Variants in CSMD1 observed in about 807,000 individuals in gnomAD.
CSMD1 encodes CUB and sushi domain-containing protein 1.
In CSMD1, 213 loss-of-function variants were observed where a neutral mutation model predicts 417.5. That is an observed-to-expected ratio of 0.51 (90% CI 0.46 to 0.57). The LOEUF (loss-of-function observed/expected upper bound fraction) is 0.57. Among genes scored for constraint, CSMD1 ranks in the 20% least tolerant of loss-of-function variants. CSMD1 has a pLI of 0.00. For synonymous variants in CSMD1, 2,862 were observed against 1,736.8 expected (o/e 1.65, Z -16.11); for missense variants, 6,923 against 4,529.7 (o/e 1.53, Z -15.17).
At position 4,139,812 on chromosome 8, in the gene CSMD1, C is replaced by T. The variant is rs561565187; in HGVS notation, c.416-107713G>A. 5.3e-5 allele frequency among the ~76,000 whole-genome samples: 8 copies of T among 151,154 alleles called. 1 individual carries two copies. The highest frequency in any genetic ancestry group is 2.0e-4 in the African/African-American group (8 of 40,468). On this transcript the variant is annotated intron_variant, in intron 3 of 69. Transcript: ENST00000635120. ...CTCAGTGTTCTACAGGCTTACTGGA[C>T]ATTCCACAGAGGGCCTTGGAGCAGA...
At chr8:4,895,194 C>G (rs1010196236) in intron 1 of CSMD1, among the ~76,000 whole-genome samples, 2 of 152,098 alleles carry the variant, frequency 1.3e-5, no homozygotes, top group African/African-American at 4.8e-5. Flanking sequence ...TCAATAATAA[C>G]AAAAAACTAA....
At position 3,107,755 on chromosome 8, in the gene CSMD1, C is replaced by T. The variant is rs755840902; in HGVS notation, c.6798G>A (p.Gln2266=). Residue 2266 remains glutamine, a synonymous_variant, in exon 45 of 70, where the codon CAG becomes CAA. Transcript: ENST00000635120. ...KKCQPPPAVP[Q]AEMLTEDDDF... is the part of the protein sequence containing the mutation. The stretch of plus-strand genomic sequence containing the variant: ...CATCATCCTCAGTAAGCATTTCTGC[C>T]TGTGGAACCGCTGGGGGAGGTTGAC... 1.9e-6 allele frequency: 3 copies of T among 1,592,964 alleles called. No individual in the cohort carries two copies. Among genetic ancestry groups the T allele is most frequent in the Non-Finnish European group, 2.6e-6 (3 of 1,172,982 alleles).
intron 7 of CSMD1, among the ~76,000 whole-genome samples, chr8:3,635,967 T>C (rs1797025264): frequency 6.6e-6 from 1 of 152,196 alleles, no homozygotes. Context: ...TATTTAGCTT[T>C]TGGCTCTTTT....
At chr8:4,581,251 G>A (rs980102973) in intron 2 of CSMD1, among the ~76,000 whole-genome samples, 1 of 152,098 alleles carries the variant, frequency 6.6e-6, no homozygotes, top group Non-Finnish European at 1.5e-5. Context: ...TAATAATTGG[G>A]CATTTCAAAA....
intron 2 of CSMD1, among the ~76,000 whole-genome samples, chr8:4,566,637 A>T (rs1244848704): frequency 8.1e-6 from 1 of 123,296 alleles, no homozygotes; most frequent in Non-Finnish European, 1.6e-5. Flanking sequence ...TGGGTGACAG[A>T]GGGAGACTCT....
chr8:4,309,011 C>T (rs1196262534), intron 3 of CSMD1, among the ~76,000 whole-genome samples: 1 of 152,106 alleles, frequency 6.6e-6, no homozygotes, highest in African/African-American at 2.4e-5. Context: ...TGAGAAAATG[C>T]ATAACAGCAA....
intron 7 of CSMD1, among the ~76,000 whole-genome samples, chr8:3,664,926 T>C (rs780770269): frequency 1.3e-5 from 2 of 152,160 alleles, no homozygotes; most frequent in Non-Finnish European, 2.9e-5. Context: ...CAGGGTTTCA[T>C]TTTGTCTCTG....
chr8:3,315,474 A>G (rs904456425), intron 23 of CSMD1, among the ~76,000 whole-genome samples: 3 of 94,920 alleles, frequency 3.2e-5, no homozygotes, highest in African/African-American at 7.0e-5. Context: ...TTTTTAAACT[A>G]TCTTTTAAAT....
At position 3,409,537 on chromosome 8, in the gene CSMD1, G is replaced by C. The variant is rs1237672187; in HGVS notation, c.1630C>G (p.Leu544Val). The C allele has an allele frequency of 3.7e-6, 6 of 1,611,346 alleles. No individual in the cohort carries two copies. The highest frequency in any genetic ancestry group is 2.2e-5 in the East Asian group (1 of 44,768). Residue 544 changes from leucine (L) to valine (V), a missense_variant, in exon 13 of 70, where the codon CTC becomes GTC. Leu to Val is a conservative substitution (Grantham distance 32). Coordinates refer to ENST00000635120, the MANE Select transcript of CSMD1 (RefSeq NM_033225.6). Reference protein sequence around the residue: ...AYGKRTGSSFLHGDTLTFECP... With the variant: ...AYGKRTGSSFVHGDTLTFECP... Reference sequence around the variant, plus strand: ...TCAAAGGTGAGTGTATCTCCATGGAGGAAACTGCTGCCCGTCCGCTTCCCA... The same window carrying C: ...TCAAAGGTGAGTGTATCTCCATGGACGAAACTGCTGCCCGTCCGCTTCCCA...
intron 3 of CSMD1, among the ~76,000 whole-genome samples, chr8:4,289,180 T>C (rs1300732919): frequency 6.6e-6 from 1 of 152,172 alleles, no homozygotes; most frequent in Non-Finnish European, 1.5e-5. Context: ...TATATAACAG[T>C]TTATCGGACA....
chr8:3,471,296 T>C lies in CSMD1; in HGVS notation c.1449-2472A>G, dbSNP rs935054246. On this transcript the variant is annotated intron_variant, in intron 11 of 69. Transcript: ENST00000635120. ...CGTCTTCTTGAATGAGAGGTCTCTC[T>C]TTTCCTCCTTTTAAATACTGAAAAC... is the stretch of plus-strand genomic sequence containing the variant. 3.1e-4 allele frequency among the ~76,000 whole-genome samples: 47 copies of C among 152,320 alleles called. 1 individual carries two copies. The highest frequency in any genetic ancestry group is 2.7e-3 in the Admixed American group (41 of 15,296).
At chr8:4,605,070 A>G (rs940183399) in intron 2 of CSMD1, among the ~76,000 whole-genome samples, 4 of 152,204 alleles carry the variant, frequency 2.6e-5, no homozygotes, top group Non-Finnish European at 5.9e-5. Flanking sequence ...AACTCCTGCT[A>G]AGCTAATGTG....
chr8:4,029,908 G>A (rs1413981191), intron 4 of CSMD1, among the ~76,000 whole-genome samples: 2 of 152,086 alleles, frequency 1.3e-5, no homozygotes, highest in East Asian at 1.9e-4. Flanking sequence ...CAAAACAAAG[G>A]GTCTACTGGC....
intron 5 of CSMD1, among the ~76,000 whole-genome samples, chr8:3,759,544 G>A (rs1309938825): frequency 3.9e-5 from 6 of 151,910 alleles, no homozygotes; most frequent in Admixed American, 3.3e-4. Context: ...AGATTATGGG[G>A]CAAATGGTGG....
chr8:3,662,439 T>A (rs188363422), intron 7 of CSMD1, among the ~76,000 whole-genome samples: 2 of 152,218 alleles, frequency 1.3e-5, no homozygotes, highest in East Asian at 3.9e-4. Flanking sequence ...CAGTCTATTA[T>A]TGATGGGCAT....
intron 22 of CSMD1, among the ~76,000 whole-genome samples, chr8:3,346,856 C>G (rs934554021): frequency 2.6e-5 from 4 of 152,198 alleles, no homozygotes; most frequent in African/African-American, 9.7e-5. Context: ...AATTGAAAAA[C>G]CCTAGAATTT....
intron 3 of CSMD1, among the ~76,000 whole-genome samples, chr8:4,378,871 C>G (rs909437730): frequency 1.3e-5 from 2 of 152,096 alleles, no homozygotes; most frequent in Non-Finnish European, 2.9e-5. Context: ...GAGAGTCAGC[C>G]CTTTCTCTAG....
At chr8:3,695,575 A>G (rs1260592208) in intron 7 of CSMD1, among the ~76,000 whole-genome samples, 2 of 152,208 alleles carry the variant, frequency 1.3e-5, no homozygotes, top group Non-Finnish European at 2.9e-5. Flanking sequence ...GAATAATATT[A>G]TTTTGAAGGA....
At chr8:4,114,579 C>G (rs1164787802) in intron 3 of CSMD1, among the ~76,000 whole-genome samples, 1 of 150,190 alleles carries the variant, frequency 6.7e-6, no homozygotes, top group African/African-American at 2.5e-5. Flanking sequence ...AAGTCTATAG[C>G]TTTCATAGGT....
Sources: gnomAD v4.1 joint callset for allele counts (sites outside exome capture counted in the v4.1 genomes callset) on GRCh38, gnomAD v4.1.1 for gene constraint, MANE v1.5 for transcripts, NCBI Gene and HGNC (gene_info 2026-07-23, HGNC 2026-07-21) for gene names.